TOR1AIP2: variants seen among roughly 807,000 people sequenced by gnomAD.
TOR1AIP2 encodes torsin-1A-interacting protein 2.
A neutral mutation model predicts 32.6 loss-of-function variants in TOR1AIP2; 20 were observed. The ratio of observed to expected loss-of-function variants is 0.61; its 90% CI spans 0.43 to 0.89. The LOEUF (loss-of-function observed/expected upper bound fraction) is 0.89. TOR1AIP2 is among the 40% of genes least tolerant of loss of function. TOR1AIP2 has a pLI of 0.00. For synonymous variants in TOR1AIP2, 214 were observed against 210.8 expected (o/e 1.02, Z -0.13); for missense variants, 456 against 553.8 (o/e 0.82, Z 1.77).
chr1:179,862,418 TAAAC>T (rs766858095), intron 3 of TOR1AIP2: 27 of 984,756 alleles, frequency 2.7e-5, no homozygotes, highest in African/African-American at 3.5e-5. Flanking sequence ...GAGTTAGTGA[TAAAC>T]TAACTAGTCT....
At chr1:179,867,816 C>G (rs1174094236) in intron 2 of TOR1AIP2, 1 of 152,202 alleles carries the variant, frequency 6.6e-6, no homozygotes, top group Non-Finnish European at 1.5e-5. Context: ...CACTAGAATT[C>G]CAAGTATTCC....
Position 179,845,021 on chromosome 1 carries a change from A to G in TOR1AIP2, c.*1050T>C, listed in dbSNP as rs1695846716. 1 of 152,218 alleles carries G rather than the reference A, an allele frequency of 6.6e-6. No individual in the cohort carries two copies. Among genetic ancestry groups the G allele is most frequent in the Non-Finnish European group, 1.5e-5 (1 of 68,030 alleles). 9.4% of individuals were successfully genotyped at this position (152,218 alleles called of 1,614,324 possible). A position where few individuals can be genotyped will look rare whatever the true frequency, so the allele number is the denominator to read the frequency against. On this transcript the variant is annotated 3_prime_UTR_variant, in exon 7 of 7. Transcript: ENST00000609928. Reference sequence around the variant, plus strand: ...CAAAAGCATCAGAGACATGCTAGTAAATGCTAGCTTATACATTCTGCTGTT... The same window carrying G: ...CAAAAGCATCAGAGACATGCTAGTAGATGCTAGCTTATACATTCTGCTGTT...
intron 3 of TOR1AIP2, 44 bp from the exon 4 acceptor site, chr1:179,852,855 A>C: frequency 1.6e-6 from 2 of 1,277,890 alleles, no homozygotes; most frequent in African/African-American, 3.0e-5. Flanking sequence ...TTATCCATAC[A>C]AGGGAGAAAT....
Position 179,851,166 on chromosome 1 carries a change from C to T in TOR1AIP2, c.232G>A (p.Val78Met). 1.2e-6 allele frequency: 2 copies of T among 1,614,134 alleles called. No individual in the cohort carries two copies. The highest frequency in any genetic ancestry group is 1.7e-6 in the Non-Finnish European group (2 of 1,180,024). Residue 78 changes from valine to methionine, a missense_variant, in exon 5 of 7, where the codon GTG becomes ATG. Transcript: ENST00000609928. Reference protein sequence around the residue: ...DKSESPDEANVGKHPKDKTED... With the variant: ...DKSESPDEANMGKHPKDKTED... ...GTTTTATCCTTTGGATGTTTCCCCA[C>T]ATTTGCTTCATCTGGACTTTCTGAT...
intron 3 of TOR1AIP2, among the ~76,000 whole-genome samples, chr1:179,855,264 C>A (rs1442317648): frequency 6.6e-6 from 1 of 152,076 alleles, no homozygotes; most frequent in Admixed American, 6.6e-5. Context: ...TTAATTTCTA[C>A]ACAAGGTATC....
chr1:179,874,325 G>C (rs2148460626), intron 2 of TOR1AIP2: 1 of 152,334 alleles, frequency 6.6e-6, no homozygotes, highest in South Asian at 2.1e-4. Context: ...GAGGTGGGAG[G>C]ATCGCTTGAG....
At chr1:179,865,078 AT>A in intron 3 of TOR1AIP2, 1 of 1,614,048 alleles carries the variant, frequency 6.2e-7, no homozygotes, top group East Asian at 2.2e-5. Flanking sequence ...GGTAACATTC[AT>A]TTTCAACAAG....
chr1:179,865,928 GA>G (rs1356928937), intron 2 of TOR1AIP2, 74 bp from the exon 3 acceptor site: 3 of 152,596 alleles, frequency 2.0e-5, no homozygotes, highest in African/African-American at 7.2e-5. Flanking sequence ...CATGCATTTG[GA>G]AATTATTCAG....
chr1:179,874,301 T>G (rs1053524828), intron 2 of TOR1AIP2: 1 of 152,106 alleles, frequency 6.6e-6, no homozygotes, highest in Non-Finnish European at 1.5e-5. Flanking sequence ...GCAGTCTCAG[T>G]TATTTGGGAG....
rs773421922 is a variant in TOR1AIP2 at position 179,852,690 on chromosome 1, T to A, written c.-25A>T. 1 of 1,613,950 alleles carries A rather than the reference T, an allele frequency of 6.2e-7. No individual in the cohort carries two copies. Among genetic ancestry groups the A allele is most frequent in the Non-Finnish European group, 8.5e-7 (1 of 1,179,874 alleles). ...TGTTTGTGTTCTATCTCTTCAGAGTTGGGAGGATACTTTTTTTAGTACTTG... is the reference window on the plus strand; with the variant it reads ...TGTTTGTGTTCTATCTCTTCAGAGTAGGGAGGATACTTTTTTTAGTACTTG... On this transcript the variant is annotated 5_prime_UTR_variant, in exon 4 of 7. Transcript: ENST00000609928.
At chr1:179,857,495 C>T (rs1428956146) in intron 3 of TOR1AIP2, among the ~76,000 whole-genome samples, 2 of 151,282 alleles carry the variant, frequency 1.3e-5, no homozygotes. Flanking sequence ...GCTTGGGACA[C>T]AGATTTGCCT....
rs1388316515 is a variant in TOR1AIP2, at chr1:179,877,759, G to A, written c.-767C>T. ...GGAGAGCCCTTCGAGTATTCTCTCC[G>A]CTCCACACCGCTCGGCTGCACCCAG... On this transcript the variant is annotated 5_prime_UTR_variant, in exon 1 of 7. Transcript: ENST00000609928. 3 of 152,036 alleles carry A rather than the reference G, an allele frequency of 2.0e-5. No individual in the cohort carries two copies. In the East Asian group the frequency reaches 5.8e-4, roughly 29 times the overall value. 9.4% of individuals were successfully genotyped at this position (152,036 alleles called of 1,614,324 possible).
intron 3 of TOR1AIP2, chr1:179,861,829 C>T (rs1696544726): frequency 1.0e-6 from 1 of 964,880 alleles, no homozygotes. Context: ...GCACCTGCAT[C>T]AGAATCTCCA....
At chr1:179,868,788 T>C (rs941937504) in intron 2 of TOR1AIP2, 10 of 152,230 alleles carry the variant, frequency 6.6e-5, no homozygotes, top group African/African-American at 2.4e-4. Context: ...CACACATTCT[T>C]ATATAAACTT....
chr1:179,864,244 A>G, intron 3 of TOR1AIP2: 1 of 985,498 alleles, frequency 1.0e-6, no homozygotes, highest in Non-Finnish European at 1.2e-6. Context: ...TGATGAATAA[A>G]TGGCTATATA....
At position 179,846,713 on chromosome 1, in the gene TOR1AIP2, G is replaced by A; in HGVS notation, c.771C>T (p.Ala257=). Residue 257 remains alanine, a synonymous_variant, in exon 7 of 7, where the codon GCC becomes GCT. Transcript: ENST00000609928. ...ATTTATCTTCCAATTGGCTAAACTG[G>A]GCCAAAAAGGCCTCCAAAGCTGGAT... ...PKNPALEAFL[A]QFSQLEDKFP... is the part of the protein sequence containing the mutation. 6.2e-7 allele frequency: 1 copy of A among 1,613,972 alleles called. No homozygotes were observed. Among genetic ancestry groups the A allele is most frequent in the Non-Finnish European group, 8.5e-7 (1 of 1,180,020 alleles).
intron 2 of TOR1AIP2, among the ~76,000 whole-genome samples, chr1:179,876,466 C>A (rs1647311674): frequency 6.6e-6 from 1 of 152,164 alleles, no homozygotes; most frequent in South Asian, 2.1e-4. Flanking sequence ...GTGGACTGCA[C>A]GTTCAGCATA....
intron 3 of TOR1AIP2, among the ~76,000 whole-genome samples, chr1:179,856,474 TATC>T (rs1229496070): frequency 1.3e-5 from 2 of 152,196 alleles, no homozygotes; most frequent in Admixed American, 1.3e-4. Flanking sequence ...TTTTGTAACA[TATC>T]ATCACTGTTC....
Position 179,846,690 on chromosome 1 carries a change from T to G in TOR1AIP2, c.794A>C (p.Lys265Thr). The G allele has an allele frequency of 6.2e-7, 1 of 1,614,160 alleles. No homozygotes were observed. Among genetic ancestry groups the G allele is most frequent in the Middle Eastern group, 1.7e-4 (1 of 6,060 alleles). Residue 265 changes from lysine to threonine, a missense_variant, in exon 7 of 7, where the codon AAA becomes ACA. By Grantham distance (78) the Lys-to-Thr change is moderately conservative. Coordinates refer to ENST00000609928, the MANE Select transcript of TOR1AIP2 (RefSeq NM_001199260.2). ...FLAQFSQLED[K>T]FPGQSSFLWQ... ...CAGGAAGGAACTCTGGCCTGGAAAT[T>G]TATCTTCCAATTGGCTAAACTGGGC...
Sources: allele counts gnomAD v4.1 joint callset (sites outside exome capture counted in the v4.1 genomes callset), GRCh38; gene constraint gnomAD v4.1.1; transcripts MANE v1.5; gene names NCBI Gene and HGNC (gene_info 2026-07-23, HGNC 2026-07-21).